Variants in ITSN1 observed in about 807,000 individuals in gnomAD.
ITSN1 encodes intersectin-1.
A neutral mutation model predicts 239.8 loss-of-function variants in ITSN1; 58 were observed. The observed-to-expected ratio is 0.24, with a 90% confidence interval of 0.20 to 0.30. ITSN1 has a LOEUF of 0.30. Among genes scored for constraint, ITSN1 ranks in the 10% least tolerant of loss-of-function variants. The probability of loss-of-function intolerance (pLI) is 1.00; values close to 1 mark genes in which losing one functional copy is unlikely to be tolerated. For missense variants in ITSN1, 1,558 were observed against 2,103.3 expected, an observed-to-expected ratio of 0.74 and a Z score of 5.07; for synonymous variants, 780 against 770.8, an observed-to-expected ratio of 1.01 and a Z score of -0.20.
Position 33,782,145 on chromosome 21 carries a change from A to C in ITSN1, c.1824+12A>C. The C allele has an allele frequency of 6.2e-7, 1 of 1,612,568 alleles. No individual in the cohort carries two copies. The highest frequency in any genetic ancestry group is 8.5e-7 in the Non-Finnish European group (1 of 1,179,148). On this transcript the variant is annotated intron_variant, in intron 16 of 39. Transcript: ENST00000381318. ...ATAATCAGCTGAAGGTAACTCTTCTATGTGTGCCTGCATGTGTGTCCTACC... is the reference window on the plus strand; with the variant it reads ...ATAATCAGCTGAAGGTAACTCTTCTCTGTGTGCCTGCATGTGTGTCCTACC...
At chr21:33,750,880 A>G (rs907628525) in intron 6 of ITSN1, among the ~76,000 whole-genome samples, 17 of 152,246 alleles carry the variant, frequency 1.1e-4, no homozygotes, top group African/African-American at 3.4e-4. Context: ...GTTAAAGTAT[A>G]AAACTGTAGA....
chr21:33,767,771 C>T lies in ITSN1; in HGVS notation c.985C>T (p.Leu329=), dbSNP rs1340261413. Residue 329 remains leucine, a synonymous_variant, in exon 11 of 40, where the codon CTA becomes TTA. Transcript: ENST00000381318. ...AAGCTCAACATCTGTAGATCAGAGG[C>T]TACCAGAGGAACCAGTTTTAGAAGA... ...VISSTSVDQR[L]PEEPVLEDEQ... 6.2e-7 allele frequency: 1 copy of T among 1,613,104 alleles called. No homozygotes were observed. The highest frequency in any genetic ancestry group is 2.2e-5 in the East Asian group (1 of 44,824).
At position 33,722,539 on chromosome 21, in the gene ITSN1, CTGT is replaced by C. The variant is rs759237042; in HGVS notation, c.122-44_122-42del. ...TTTGCTATTACAGGATTTCTGTCAG[CTGT>C]TGTTTTTTTTTTTTTTTCCTGAAAC... On this transcript the variant is annotated intron_variant, in intron 3 of 39. Coordinates refer to ENST00000381318, the MANE Select transcript of ITSN1 (RefSeq NM_003024.3). The C allele has an allele frequency of 1.9e-5, 28 of 1,498,008 alleles. No homozygotes were observed. In the East Asian group the frequency reaches 3.4e-4, roughly 18 times the overall value. 92.8% of individuals were successfully genotyped at this position (1,498,008 alleles called of 1,614,324 possible).
chr21:33,689,286 A>G (rs1034784614), intron 1 of ITSN1: 3 of 152,244 alleles, frequency 2.0e-5, no homozygotes, highest in African/African-American at 7.2e-5. Flanking sequence ...CAGTGTCTAC[A>G]GTCTCTTGAC....
intron 33 of ITSN1, among the ~76,000 whole-genome samples, chr21:33,868,170 G>T (rs550618429): frequency 2.0e-5 from 3 of 152,314 alleles, no homozygotes; most frequent in South Asian, 4.1e-4. Context: ...TTTTGACAGG[G>T]GGCTGATTGG....
Position 33,772,343 on chromosome 21 carries a change from G to A in ITSN1, c.1305+20G>A, listed in dbSNP as rs1178196945. On this transcript the variant is annotated intron_variant, in intron 12 of 39. Coordinates refer to ENST00000381318, the MANE Select transcript of ITSN1 (RefSeq NM_003024.3). Reference sequence around the variant, plus strand: ...CGAGAGGTAAGCAGGCGAGAGTGGAGCCACCCGGAGTTAGTGTGCGATCAC... The same window carrying A: ...CGAGAGGTAAGCAGGCGAGAGTGGAACCACCCGGAGTTAGTGTGCGATCAC... 7.7e-6 allele frequency: 12 copies of A among 1,549,850 alleles called. No homozygotes were observed. The highest frequency in any genetic ancestry group is 1.7e-6 in the Non-Finnish European group (2 of 1,146,346).
chr21:33,889,276 A>G lies in ITSN1; in HGVS notation c.*976A>G, dbSNP rs908269084. 3.3e-5 allele frequency: 5 copies of G among 152,122 alleles called. No individual in the cohort carries two copies. Among genetic ancestry groups the G allele is most frequent in the African/African-American group, 1.2e-4 (5 of 41,412 alleles). The allele number at this position is 152,122 out of a possible 1,614,324, so 9.4% of individuals were successfully genotyped here. A position where few individuals can be genotyped will look rare whatever the true frequency, so the allele number is the denominator to read the frequency against. On this transcript the variant is annotated 3_prime_UTR_variant, in exon 40 of 40. Transcript: ENST00000381318. ...AACAGCTCTTTTTGGTACGTTCCCCAAAAAGCCATGTCCTAGATCCCCAAG... is the reference window on the plus strand; with the variant it reads ...AACAGCTCTTTTTGGTACGTTCCCCGAAAAGCCATGTCCTAGATCCCCAAG...
chr21:33,790,163 T>C lies in ITSN1; in HGVS notation c.1825-4178T>C, dbSNP rs2070998318. 2.0e-5 allele frequency among the ~76,000 whole-genome samples: 3 copies of C among 152,206 alleles called. No individual in the cohort carries two copies. In the South Asian group the frequency reaches 6.2e-4, roughly 32 times the overall value. Reference sequence around the variant, plus strand: ...AATGCCCATATACCCCAAGTCTGCATGCAACATAGTATCCACAGGGCTGAA... The same window carrying C: ...AATGCCCATATACCCCAAGTCTGCACGCAACATAGTATCCACAGGGCTGAA... On this transcript the variant is annotated intron_variant, in intron 16 of 39. Coordinates refer to ENST00000381318, the MANE Select transcript of ITSN1 (RefSeq NM_003024.3).
intron 8 of ITSN1, among the ~76,000 whole-genome samples, chr21:33,761,364 G>T (rs888173423): frequency 2.0e-5 from 3 of 152,008 alleles, no homozygotes; most frequent in Admixed American, 1.3e-4. Flanking sequence ...ACCACACCAG[G>T]CTGGAAATGT....
chr21:33,843,913 T>C (rs2074907791), intron 29 of ITSN1, among the ~76,000 whole-genome samples: 1 of 152,228 alleles, frequency 6.6e-6, no homozygotes, highest in South Asian at 2.1e-4. Flanking sequence ...TTGTTTTTAT[T>C]GGAGAGAAAA....
intron 4 of ITSN1, among the ~76,000 whole-genome samples, chr21:33,731,676 CATT>C (rs1432493079): frequency 6.6e-6 from 1 of 152,112 alleles, no homozygotes; most frequent in Non-Finnish European, 1.5e-5. Context: ...CAACATTAGT[CATT>C]ATTTCAGCAG....
At chr21:33,665,307 A>T (rs981049586) in intron 1 of ITSN1, among the ~76,000 whole-genome samples, 1 of 152,174 alleles carries the variant, frequency 6.6e-6, no homozygotes, top group African/African-American at 2.4e-5. Context: ...AACGTCATTA[A>T]AAAGTGGGCA....
chr21:33,651,044 G>T (rs1484294799), intron 1 of ITSN1, among the ~76,000 whole-genome samples: 2 of 152,236 alleles, frequency 1.3e-5, no homozygotes, highest in African/African-American at 4.8e-5. Context: ...TTGTCCAGGG[G>T]GCTAGCCCCA....
At chr21:33,777,669 T>C (rs567672437) in intron 14 of ITSN1, among the ~76,000 whole-genome samples, 30 of 152,208 alleles carry the variant, frequency 2.0e-4, no homozygotes, top group Non-Finnish European at 2.9e-4. Context: ...CCCTAAGTAT[T>C]TTGTGGCTTT....
intron 31 of ITSN1, among the ~76,000 whole-genome samples, chr21:33,864,349 G>A (rs548488028): frequency 4.6e-5 from 7 of 152,224 alleles, no homozygotes; most frequent in East Asian, 1.9e-4. Flanking sequence ...TGTCCTTACC[G>A]TGTATAAGCT....
chr21:33,725,449 A>G (rs1056903223), intron 4 of ITSN1, among the ~76,000 whole-genome samples: 5 of 151,972 alleles, frequency 3.3e-5, no homozygotes, highest in Non-Finnish European at 7.4e-5. Context: ...AATTTTTTTT[A>G]ATTAGCTGGG....
chr21:33,856,069 G>A (rs1339681430), intron 29 of ITSN1, among the ~76,000 whole-genome samples: 1 of 152,266 alleles, frequency 6.6e-6, no homozygotes, highest in Non-Finnish European at 1.5e-5. Context: ...CCTGGGGCCA[G>A]TCAACCTGTG....
intron 16 of ITSN1, among the ~76,000 whole-genome samples, chr21:33,784,269 G>A (rs372054149): frequency 4.0e-5 from 6 of 150,286 alleles, no homozygotes; most frequent in African/African-American, 7.4e-5. Context: ...TGGATCATTC[G>A]AGACTAGCCT....
intron 1 of ITSN1, chr21:33,643,985 G>C (rs1215042219): frequency 1.3e-5 from 2 of 152,286 alleles, no homozygotes; most frequent in Non-Finnish European, 2.9e-5. Context: ...GTGAGGGCAG[G>C]AACTGGGGCC....
Sources: allele counts gnomAD v4.1 joint callset (sites outside exome capture counted in the v4.1 genomes callset), GRCh38; gene constraint gnomAD v4.1.1; transcripts MANE v1.5; gene names NCBI Gene and HGNC (gene_info 2026-07-23, HGNC 2026-07-21).